AFG2A: variants seen among roughly 807,000 people sequenced by gnomAD.
The protein encoded by AFG2A is AAA ATPase AFG2A.
the AFG2A span, among the ~76,000 whole-genome samples, chr4:123,271,355 C>G: frequency 1.6e-3 from 238 of 152,276 alleles, no homozygotes; most frequent in African/African-American, 5.4e-3. Context: ...TCTTCTGGTT[C>G]TTTTCACTTG....
chr4:123,317,866 C>A, the AFG2A span: 2 of 151,962 alleles, frequency 1.3e-5, no homozygotes, highest in Admixed American at 1.3e-4. Context: ...TTTATGGGGG[C>A]ATATATAGTG....
At chr4:123,253,472 C>G in the AFG2A span, among the ~76,000 whole-genome samples, 1 of 127,844 alleles carries the variant, frequency 7.8e-6, no homozygotes, top group South Asian at 2.5e-4. Context: ...GCAACAAGAG[C>G]GAAACTCCAC....
At chr4:123,233,431 T>C in the AFG2A span, among the ~76,000 whole-genome samples, 1 of 151,614 alleles carries the variant, frequency 6.6e-6, no homozygotes, top group Non-Finnish European at 1.5e-5. Flanking sequence ...TCTTCCATTC[T>C]CCCCAGCCTT....
the AFG2A span, among the ~76,000 whole-genome samples, chr4:123,197,489 G>C: frequency 3.9e-5 from 6 of 152,274 alleles, no homozygotes; most frequent in South Asian, 1.0e-3. Flanking sequence ...ACGTACTTAG[G>C]CTGCGCACAG....
the AFG2A span, among the ~76,000 whole-genome samples, chr4:123,213,447 A>G: frequency 6.6e-6 from 1 of 152,164 alleles, no homozygotes; most frequent in Non-Finnish European, 1.5e-5. Flanking sequence ...CTACAAATAT[A>G]TTTTTAATTT....
the AFG2A span, among the ~76,000 whole-genome samples, chr4:122,993,200 C>T: frequency 6.6e-6 from 1 of 151,736 alleles, no homozygotes; most frequent in African/African-American, 2.4e-5. Flanking sequence ...ACCATGTTGG[C>T]CAGGCTGGTC....
At chr4:123,128,558 T>C in the AFG2A span, among the ~76,000 whole-genome samples, 2 of 152,158 alleles carry the variant, frequency 1.3e-5, no homozygotes, top group Non-Finnish European at 2.9e-5. Context: ...GAGTTGGAGT[T>C]TTTAAATTTT....
chr4:123,022,261 T>C, the AFG2A span, among the ~76,000 whole-genome samples: 1 of 151,884 alleles, frequency 6.6e-6, no homozygotes, highest in Admixed American at 6.6e-5. Flanking sequence ...ACCTACAGAA[T>C]GGGAGAAAAT....
chr4:123,028,498 C>G, the AFG2A span: 1 of 876,392 alleles, frequency 1.1e-6, no homozygotes, highest in South Asian at 1.7e-5. Flanking sequence ...TCTTAAGGAG[C>G]AGTGATTCTT....
the AFG2A span, among the ~76,000 whole-genome samples, chr4:123,224,737 G>T: frequency 6.6e-6 from 1 of 152,146 alleles, no homozygotes; most frequent in Non-Finnish European, 1.5e-5. Context: ...GTAATGGGAT[G>T]GCTGGGTCAA....
At chr4:123,198,568 T>C in the AFG2A span, among the ~76,000 whole-genome samples, 1 of 152,196 alleles carries the variant, frequency 6.6e-6, no homozygotes, top group Middle Eastern at 3.2e-3. Flanking sequence ...ACATTCTTAA[T>C]TGAAGCTAGG....
the AFG2A span, among the ~76,000 whole-genome samples, chr4:123,073,170 T>TC: frequency 1.3e-5 from 2 of 149,622 alleles, no homozygotes; most frequent in East Asian, 1.9e-4. Flanking sequence ...GAATTCCTAT[T>TC]CTTTTTTTTT....
the AFG2A span, among the ~76,000 whole-genome samples, chr4:123,178,286 T>C: frequency 6.6e-6 from 1 of 152,208 alleles, no homozygotes; most frequent in African/African-American, 2.4e-5. Flanking sequence ...TCCAAGTCTC[T>C]GATGTCTGTT....
the AFG2A span, among the ~76,000 whole-genome samples, chr4:123,242,714 G>A: frequency 1.9e-4 from 29 of 152,190 alleles, no homozygotes; most frequent in East Asian, 7.7e-4. Context: ...CTGAAACACC[G>A]AAAGAAATGG....
chr4:122,977,834 C>T, the AFG2A span, among the ~76,000 whole-genome samples: 22 of 152,328 alleles, frequency 1.4e-4, no homozygotes, highest in African/African-American at 5.1e-4. Flanking sequence ...GCCATCAGGT[C>T]GTCCTGATGA....
the AFG2A span, among the ~76,000 whole-genome samples, chr4:123,263,494 A>G: frequency 1.3e-5 from 2 of 152,230 alleles, no homozygotes; most frequent in Non-Finnish European, 2.9e-5. Context: ...TCTCAAATAT[A>G]TAAACTACTT....
At chr4:122,951,621 C>A in the AFG2A span, among the ~76,000 whole-genome samples, 2 of 152,190 alleles carry the variant, frequency 1.3e-5, no homozygotes, top group Admixed American at 1.3e-4. Context: ...AGACAGCCCA[C>A]CTGTGAGTAC....
the AFG2A span, among the ~76,000 whole-genome samples, chr4:122,986,087 G>A: frequency 6.6e-6 from 1 of 152,122 alleles, no homozygotes; most frequent in Non-Finnish European, 1.5e-5. Flanking sequence ...TGGTTCTGAA[G>A]GTTCCTTTTG....
At chr4:123,026,326 T>C in the AFG2A span, among the ~76,000 whole-genome samples, 1 of 152,124 alleles carries the variant, frequency 6.6e-6, no homozygotes, top group East Asian at 1.9e-4. Flanking sequence ...TGGCCAAATA[T>C]ATACTGTGAA....
Sources: gnomAD v4.1 joint callset for allele counts (sites outside exome capture counted in the v4.1 genomes callset) on GRCh38, gnomAD v4.1.1 for gene constraint, MANE v1.5 for transcripts, NCBI Gene and HGNC (gene_info 2026-07-23, HGNC 2026-07-21) for gene names.